WBP1L: variants seen among roughly 807,000 people sequenced by gnomAD.
WBP1L encodes WW domain binding protein 1 like.
WBP1L carries 17 observed loss-of-function variants against 33.7 expected under a neutral mutation model. The ratio of observed to expected loss-of-function variants is 0.50; its 90% confidence interval spans 0.34 to 0.76. WBP1L has a LOEUF of 0.76. WBP1L is among the 30% of genes least tolerant of loss of function. The probability of loss-of-function intolerance (pLI) is 0.01; values close to 1 mark genes in which losing one functional copy is unlikely to be tolerated. For synonymous variants in WBP1L, 173 were observed against 190.8 expected (o/e 0.91, Z 0.77); for missense variants, 389 against 469.4 (o/e 0.83, Z 1.58).
chr10:102,782,094 C>T (rs1420066183), intron 1 of WBP1L, among the ~76,000 whole-genome samples: 1 of 152,038 alleles, frequency 6.6e-6, no homozygotes, highest in African/African-American at 2.4e-5. Context: ...TCTGAAACTC[C>T]TGACCTCAGG....
chr10:102,781,150 A>G (rs1421646610), intron 1 of WBP1L, among the ~76,000 whole-genome samples: 1 of 152,178 alleles, frequency 6.6e-6, no homozygotes, highest in African/African-American at 2.4e-5. Context: ...GGCAACTAGA[A>G]TGTTGCATGG....
chr10:102,760,748 G>A (rs1448556596), intron 1 of WBP1L, among the ~76,000 whole-genome samples: 1 of 152,156 alleles, frequency 6.6e-6, no homozygotes, highest in Non-Finnish European at 1.5e-5. Context: ...AGAGGCCCAT[G>A]TGGTCAGAGA....
rs1179669919 is a variant in WBP1L, at chr10:102,812,962, G to A, written c.723G>A (p.Glu241=). 1.9e-6 allele frequency: 3 copies of A among 1,609,952 alleles called. No homozygotes were observed. The highest frequency in any genetic ancestry group is 2.5e-6 in the Non-Finnish European group (3 of 1,177,188). The change falls in exon 4 of 4, where the codon GAG becomes GAA. Residue 241 remains glutamate (E), a synonymous_variant. Coordinates refer to ENST00000448841, the MANE Select transcript of WBP1L (RefSeq NM_001083913.2). The stretch of plus-strand genomic sequence containing the variant: ...TGGACAAAGATGCAGAATGTAGGGA[G>A]GAGCTGCTGAAAGATGACAGCTCTG... ...AFLDKDAECR[E]ELLKDDSSEH... is the part of the protein sequence containing the mutation.
At chr10:102,796,578 A>C (rs1268457010) in intron 1 of WBP1L, among the ~76,000 whole-genome samples, 1 of 152,186 alleles carries the variant, frequency 6.6e-6, no homozygotes. Flanking sequence ...TGTCCGCCGG[A>C]TGTGCACTGT....
intron 1 of WBP1L, among the ~76,000 whole-genome samples, chr10:102,748,825 G>T (rs1353305000): frequency 6.6e-6 from 1 of 152,218 alleles, no homozygotes; most frequent in Non-Finnish European, 1.5e-5. Context: ...GCAAGAGGAA[G>T]ATGGGGTGCT....
chr10:102,784,579 C>A (rs892245816), intron 1 of WBP1L, among the ~76,000 whole-genome samples: 1 of 151,784 alleles, frequency 6.6e-6, no homozygotes, highest in Middle Eastern at 3.4e-3. Flanking sequence ...GCGCCCGCCA[C>A]CACACCCGGC....
intron 1 of WBP1L, among the ~76,000 whole-genome samples, chr10:102,762,803 T>C (rs909120163): frequency 2.0e-5 from 3 of 152,200 alleles, no homozygotes; most frequent in Admixed American, 2.0e-4. Flanking sequence ...GGATGCAAGC[T>C]GTTGGTCCCT....
chr10:102,783,225 G>T (rs1335982486), intron 1 of WBP1L, among the ~76,000 whole-genome samples: 1 of 152,176 alleles, frequency 6.6e-6, no homozygotes, highest in Non-Finnish European at 1.5e-5. Context: ...CTCGGCTTGT[G>T]CTGGGTTACT....
At chr10:102,776,689 A>G (rs940933713) in intron 1 of WBP1L, among the ~76,000 whole-genome samples, 3 of 152,070 alleles carry the variant, frequency 2.0e-5, no homozygotes, top group Non-Finnish European at 4.4e-5. Flanking sequence ...TGCTTTGGAA[A>G]CTTCACGGAG....
chr10:102,807,065 T>G (rs921805354), intron 2 of WBP1L, among the ~76,000 whole-genome samples: 8 of 152,188 alleles, frequency 5.3e-5, no homozygotes, highest in South Asian at 2.1e-4. Context: ...GAACTACTTT[T>G]AAAATTTTAA....
intron 1 of WBP1L, chr10:102,746,143 G>C: frequency 1.0e-6 from 1 of 985,390 alleles, no homozygotes; most frequent in Non-Finnish European, 1.2e-6. Context: ...ATGGAAAGTG[G>C]AGGTTCCTAC....
At chr10:102,802,441 G>A (rs552782715) in intron 2 of WBP1L, among the ~76,000 whole-genome samples, 1 of 151,850 alleles carries the variant, frequency 6.6e-6, no homozygotes, top group South Asian at 2.1e-4. Flanking sequence ...GTAAATAGGA[G>A]TTGATTGAAT....
chr10:102,784,872 C>CT (rs61102977), intron 1 of WBP1L, among the ~76,000 whole-genome samples: 32,460 of 141,082 alleles, frequency 0.23, 3,813 homozygotes, highest in Admixed American at 0.27. Flanking sequence ...ACTTTTTTTT[C>CT]TTTTTTTTTT....
chr10:102,785,730 C>T (rs1843406491), intron 1 of WBP1L, among the ~76,000 whole-genome samples: 1 of 152,238 alleles, frequency 6.6e-6, no homozygotes, highest in Admixed American at 6.5e-5. Flanking sequence ...CCGCTGCATG[C>T]TACCTGCTAT....
chr10:102,801,045 TCACA>T (rs1272395842), intron 2 of WBP1L, among the ~76,000 whole-genome samples: 1 of 152,054 alleles, frequency 6.6e-6, no homozygotes, highest in Non-Finnish European at 1.5e-5. Context: ...TTCTCAATTC[TCACA>T]CACATACTTA....
intron 1 of WBP1L, among the ~76,000 whole-genome samples, chr10:102,785,849 T>C (rs1261398993): frequency 6.6e-6 from 1 of 152,232 alleles, no homozygotes; most frequent in Non-Finnish European, 1.5e-5. Flanking sequence ...GGGACTGCTT[T>C]TCCTTCTAAG....
chr10:102,806,987 G>A (rs1843746487), intron 2 of WBP1L, among the ~76,000 whole-genome samples: 1 of 152,134 alleles, frequency 6.6e-6, no homozygotes, highest in South Asian at 2.1e-4. Flanking sequence ...GTGGGGGAGG[G>A]AGGCATTTTT....
At chr10:102,776,191 G>A in intron 1 of WBP1L, 1 of 1,461,862 alleles carries the variant, frequency 6.8e-7, no homozygotes. Context: ...CCAGAGCCAG[G>A]CAGGGGGAGT....
intron 1 of WBP1L, among the ~76,000 whole-genome samples, chr10:102,787,543 G>A (rs1294544433): frequency 1.3e-5 from 2 of 152,072 alleles, no homozygotes; most frequent in South Asian, 2.1e-4. Context: ...AGCTATGATC[G>A]TGCCACTACA....
Sources: gnomAD v4.1 joint callset for allele counts (sites outside exome capture counted in the v4.1 genomes callset) on GRCh38, gnomAD v4.1.1 for gene constraint, MANE v1.5 for transcripts, NCBI Gene and HGNC (gene_info 2026-07-23, HGNC 2026-07-21) for gene names.